LTBP1: variants seen among roughly 807,000 people sequenced by gnomAD.
LTBP1 encodes latent transforming growth factor beta binding protein 1, also known as latent-transforming growth factor beta-binding protein 1.
A neutral mutation model predicts 207.6 loss-of-function variants in LTBP1; 129 were observed. That is an observed-to-expected ratio of 0.62 (90% CI 0.54 to 0.72). LTBP1 has a LOEUF of 0.72. Ranked by LOEUF, LTBP1 falls within the 30% of genes least tolerant of loss-of-function variation. The pLI, the probability that LTBP1 is intolerant of heterozygous loss-of-function variation, is 0.00. For missense variants in LTBP1, 2,281 were observed against 2,217.2 expected (o/e 1.03, Z -0.58); for synonymous variants, 963 against 833.7 (o/e 1.16, Z -2.67).
intron 25 of LTBP1, among the ~76,000 whole-genome samples, chr2:33,346,050 T>C (rs1181405709): frequency 1.3e-5 from 2 of 152,218 alleles, no homozygotes; most frequent in Non-Finnish European, 2.9e-5. Context: ...CTTCACTGTA[T>C]TTTAATTATG....
At chr2:33,160,771 T>G (rs537505276) in intron 5 of LTBP1, among the ~76,000 whole-genome samples, 15 of 152,212 alleles carry the variant, frequency 9.9e-5, no homozygotes, top group Non-Finnish European at 2.2e-4. Context: ...GTAGATTTTA[T>G]TTTATGTACC....
intron 26 of LTBP1, among the ~76,000 whole-genome samples, chr2:33,354,804 G>C (rs560274167): frequency 4.0e-5 from 6 of 151,618 alleles, no homozygotes; most frequent in Middle Eastern, 3.4e-3. Flanking sequence ...TGTAGTGTAC[G>C]ATCATGGTTC....
At chr2:33,191,131 A>G (rs938696314) in intron 7 of LTBP1, among the ~76,000 whole-genome samples, 6 of 152,188 alleles carry the variant, frequency 3.9e-5, no homozygotes, top group African/African-American at 9.6e-5. Flanking sequence ...TGTGCCCAGT[A>G]CCTTTCTCCC....
Position 33,113,962 on chromosome 2 carries a change from T to C in LTBP1, c.1033+3211T>C, listed in dbSNP as rs187446009. ...CTCAAGTGATTCTCCTGCCTCAGCC[T>C]TCTGGGTAGCTGGGATTACAGGTGT... On this transcript the variant is annotated intron_variant, in intron 4 of 33. Transcript: ENST00000404816. Among the ~76,000 whole-genome samples, 650 of 152,302 alleles carry C rather than the reference T, an allele frequency of 4.3e-3. 4 individuals are homozygous for C. The highest frequency in any genetic ancestry group is 8.7e-3 in the South Asian group (42 of 4,826).
intron 10 of LTBP1, among the ~76,000 whole-genome samples, chr2:33,247,264 A>G (rs1558879734): frequency 6.6e-6 from 1 of 152,322 alleles, no homozygotes; most frequent in East Asian, 1.9e-4. Flanking sequence ...AATTAAGTAC[A>G]TCATTCATTT....
chr2:32,972,240 T>A (rs1681002836), intron 2 of LTBP1, among the ~76,000 whole-genome samples: 1 of 149,858 alleles, frequency 6.7e-6, no homozygotes, highest in Non-Finnish European at 1.5e-5. Context: ...TATTCTTTCA[T>A]AGAACCAACT....
chr2:33,347,575 C>T, intron 26 of LTBP1, 65 bp downstream of exon 26: 1 of 1,591,590 alleles, frequency 6.3e-7, no homozygotes. Context: ...ACCCACACAG[C>T]TTTGGGATAA....
intron 4 of LTBP1, among the ~76,000 whole-genome samples, chr2:33,119,686 A>T (rs1205863497): frequency 6.6e-6 from 1 of 152,012 alleles, no homozygotes; most frequent in African/African-American, 2.4e-5. Context: ...CTTCCCGAGT[A>T]GGCTGGGACT....
chr2:33,319,136 G>A (rs564641040), intron 24 of LTBP1, among the ~76,000 whole-genome samples: 6 of 152,236 alleles, frequency 3.9e-5, no homozygotes, highest in South Asian at 2.1e-4. Flanking sequence ...AGTGGTTCAC[G>A]CCTGTAATCC....
At position 33,337,393 on chromosome 2, in the gene LTBP1, C is replaced by T. The variant is rs372835392; in HGVS notation, c.3731-5445C>T. On this transcript the variant is annotated intron_variant, in intron 24 of 33. Coordinates refer to ENST00000404816, the MANE Select transcript of LTBP1 (RefSeq NM_206943.4). ...TTTTAAATGAGCCACTGGTAGTTCCCGTCACCCAGAACTATGTTCTATTTT... is the reference window on the plus strand; with the variant it reads ...TTTTAAATGAGCCACTGGTAGTTCCTGTCACCCAGAACTATGTTCTATTTT... Among the ~76,000 whole-genome samples the T allele has an allele frequency of 3.3e-5, 5 of 152,302 alleles. No homozygotes were observed. In the South Asian group the frequency reaches 1.0e-3, roughly 32 times the overall value.
intron 2 of LTBP1, 125 bp downstream of exon 2, chr2:32,949,070 A>G (rs1676710661): frequency 1.1e-6 from 1 of 889,390 alleles, no homozygotes; most frequent in Admixed American, 2.0e-5. Context: ...AATACAATCC[A>G]CCCAGGCTTC....
chr2:33,367,804 G>A (rs1027832061), intron 31 of LTBP1, among the ~76,000 whole-genome samples: 2 of 152,114 alleles, frequency 1.3e-5, no homozygotes, highest in African/African-American at 4.8e-5. Flanking sequence ...AATCAGGACT[G>A]GGGCAAGATG....
intron 3 of LTBP1, among the ~76,000 whole-genome samples, chr2:33,034,228 TA>T (rs10710968): frequency 0.38 from 53,950 of 143,494 alleles, 9,845 homozygotes; most frequent in Admixed American, 0.44. Context: ...ATTGTTGTTC[TA>T]AAAAAAAAAA....
intron 2 of LTBP1, among the ~76,000 whole-genome samples, chr2:32,965,627 G>A (rs1007635346): frequency 6.6e-6 from 1 of 152,182 alleles, no homozygotes; most frequent in Non-Finnish European, 1.5e-5. Flanking sequence ...GCCACTTAAA[G>A]TTCCTCCATG....
At chr2:33,311,903 A>G (rs1178766049) in intron 23 of LTBP1, among the ~76,000 whole-genome samples, 2 of 152,180 alleles carry the variant, frequency 1.3e-5, no homozygotes, top group African/African-American at 4.8e-5. Flanking sequence ...ATATATTCCT[A>G]TTTTCCAGAA....
Position 33,021,141 on chromosome 2 carries a change from G to A in LTBP1, c.798G>A (p.Val266=). 6.2e-7 allele frequency: 1 copy of A among 1,613,636 alleles called. No individual in the cohort carries two copies. Among genetic ancestry groups the A allele is most frequent in the Non-Finnish European group, 8.5e-7 (1 of 1,179,774 alleles). The change falls in exon 3 of 34, where the codon GTG becomes GTA. Residue 266 remains valine (V), a synonymous_variant. Coordinates refer to ENST00000404816, the MANE Select transcript of LTBP1 (RefSeq NM_206943.4). ...KADTLPRVSP[V]AQMTLTLKPK... ...ACACTCTACCAAGAGTCAGCCCTGT[G>A]GCCCAGATGACCTTAACCCTCAAGC...
Position 33,188,696 on chromosome 2 carries a change from C to T in LTBP1, c.1546C>T (p.Pro516Ser), listed in dbSNP as rs146484215. The T allele has an allele frequency of 3.7e-6, 6 of 1,614,166 alleles. No homozygotes were observed. The South Asian group carries it at 5.5e-5, about 15-fold the overall frequency. The change falls in exon 7 of 34, where the codon CCA (proline) becomes TCA (serine). Residue 516 changes from proline to serine, a missense_variant. By Grantham distance (74) the Pro-to-Ser change is moderately conservative. This residue lies in a region of LTBP1 where 1,671 missense variants were observed against 1,634.8 expected (regional missense o/e 1.02). Coordinates refer to ENST00000404816, the MANE Select transcript of LTBP1 (RefSeq NM_206943.4). ...AGGCCAGAAGACAAAAGAAGCTCAA[C>T]CAGGCCAATCCCAAGTCTCGTACCA... ...PTGQKTKEAQ[P>S]GQSQVSYQGL...
intron 5 of LTBP1, among the ~76,000 whole-genome samples, chr2:33,144,267 G>A (rs1041076435): frequency 6.6e-6 from 1 of 152,144 alleles, no homozygotes; most frequent in Non-Finnish European, 1.5e-5. Flanking sequence ...TGCTCCGGTA[G>A]GAGCGCACAG....
intron 3 of LTBP1, among the ~76,000 whole-genome samples, chr2:33,069,181 A>G (rs2077659234): frequency 6.6e-6 from 1 of 152,122 alleles, no homozygotes; most frequent in African/African-American, 2.4e-5. Flanking sequence ...CTTGTTAGGT[A>G]TCCCTGGTAC....
Sources: allele counts gnomAD v4.1 joint callset (sites outside exome capture counted in the v4.1 genomes callset), GRCh38; gene constraint gnomAD v4.1.1; regional missense constraint gnomAD v4.1.1; transcripts MANE v1.5; gene names NCBI Gene and HGNC (gene_info 2026-07-23, HGNC 2026-07-21).